The following CTNND2 variants were observed in gnomAD, a reference collection of about 807,000 sequenced individuals.
CTNND2 encodes the protein catenin delta-2.
In CTNND2, 22 loss-of-function variants were observed where a neutral mutation model predicts 144.4. The observed-to-expected ratio is 0.15, with a 90% CI of 0.11 to 0.22. The LOEUF is 0.22. CTNND2 is among the 10% of genes least tolerant of loss of function. CTNND2 has a pLI of 1.00. For synonymous variants in CTNND2, 751 were observed against 695.6 expected (o/e 1.08, Z -1.25); for missense variants, 1,353 against 1,618.8 (o/e 0.84, Z 2.82).
At chr5:11,385,911 T>C (rs942165089) in intron 6 of CTNND2, 32 of 152,220 alleles carry the variant, frequency 2.1e-4, no homozygotes, top group Non-Finnish European at 4.3e-4. Context: ...ATGAGAATGC[T>C]AAAAAAGCCT....
Position 11,502,027 on chromosome 5 carries a change from CAAAAAAAAAAAAAAA to C in CTNND2, c.287+62902_287+62916del, listed in dbSNP as rs547364682. 4.9e-4 allele frequency among the ~76,000 whole-genome samples: 28 copies of C among 57,264 alleles called. No individual in the cohort carries two copies. In the South Asian group the frequency reaches 8.3e-3, roughly 17 times the overall value. The allele number at this position is 57,264 out of a possible 152,430, so 37.6% of individuals were successfully genotyped here. On this transcript the variant is annotated intron_variant, in intron 3 of 21. Coordinates refer to ENST00000304623, the MANE Select transcript of CTNND2 (RefSeq NM_001332.4). ...TGGGTGACAGAGCGAGACTCCATCT[CAAAAAAAAAAAAAAA>C]AAAAAAAAAAAGAAGGGGCAGGCGT...
intron 9 of CTNND2, among the ~76,000 whole-genome samples, chr5:11,274,196 T>C (rs1194810773): frequency 6.6e-6 from 1 of 152,212 alleles, no homozygotes; most frequent in African/African-American, 2.4e-5. Context: ...TCCCTGACAG[T>C]TGTACTCATC....
chr5:11,188,290 T>A (rs771858162), intron 11 of CTNND2, among the ~76,000 whole-genome samples: 19 of 152,236 alleles, frequency 1.2e-4, no homozygotes, highest in Admixed American at 5.9e-4. Flanking sequence ...AGGAGTGAGA[T>A]CATTTCTTTG....
At chr5:11,172,984 C>T (rs770929327) in intron 11 of CTNND2, among the ~76,000 whole-genome samples, 32 of 152,124 alleles carry the variant, frequency 2.1e-4, no homozygotes, top group Admixed American at 5.2e-4. Flanking sequence ...AATCACTGTG[C>T]TTTTGTTTTT....
chr5:11,617,534 A>G (rs1474710285), intron 2 of CTNND2, among the ~76,000 whole-genome samples: 2 of 152,240 alleles, frequency 1.3e-5, no homozygotes, highest in Non-Finnish European at 2.9e-5. Context: ...TGGTTACTTA[A>G]CAAACATTTA....
intron 1 of CTNND2, among the ~76,000 whole-genome samples, chr5:11,845,726 C>T (rs574770406): frequency 6.2e-4 from 94 of 152,282 alleles, no homozygotes; most frequent in Middle Eastern, 3.4e-3. Flanking sequence ...CTAATACAAT[C>T]GTCAAGACGA....
At chr5:11,528,704 G>C (rs143378992) in intron 3 of CTNND2, among the ~76,000 whole-genome samples, 1 of 152,180 alleles carries the variant, frequency 6.6e-6, no homozygotes, top group Non-Finnish European at 1.5e-5. Context: ...GGAGTTGGCC[G>C]TGCTGGCCTT....
chr5:11,357,370 C>T (rs1230501783), intron 8 of CTNND2, among the ~76,000 whole-genome samples: 1 of 151,994 alleles, frequency 6.6e-6, no homozygotes, highest in South Asian at 2.1e-4. Context: ...TGAAATCCTG[C>T]CATTTGTGAT....
At chr5:11,201,132 T>C (rs1737399210) in intron 10 of CTNND2, among the ~76,000 whole-genome samples, 1 of 152,214 alleles carries the variant, frequency 6.6e-6, no homozygotes, top group Non-Finnish European at 1.5e-5. Context: ...ATTTGTCATG[T>C]TCTAACTTAT....
At chr5:11,526,172 G>A (rs952571927) in intron 3 of CTNND2, among the ~76,000 whole-genome samples, 1 of 152,120 alleles carries the variant, frequency 6.6e-6, no homozygotes, top group Non-Finnish European at 1.5e-5. Flanking sequence ...AAAGTGCTGG[G>A]ATTACAGACA....
chr5:11,059,413 A>C lies in CTNND2; in HGVS notation c.2788+23283T>G, dbSNP rs897038808. 7.2e-5 allele frequency among the ~76,000 whole-genome samples: 11 copies of C among 152,210 alleles called. 1 individual carries two copies. Among genetic ancestry groups the C allele is most frequent in the South Asian group, 6.2e-4 (3 of 4,826 alleles). ...TCTCTCTCTTTGCCTGCTGCCATCCACATAAGATATGACTTGCTCCTCCTT... is the reference window on the plus strand; with the variant it reads ...TCTCTCTCTTTGCCTGCTGCCATCCCCATAAGATATGACTTGCTCCTCCTT... On this transcript the variant is annotated intron_variant, in intron 16 of 21. Transcript: ENST00000304623.
intron 16 of CTNND2, among the ~76,000 whole-genome samples, chr5:11,073,378 T>G (rs898373781): frequency 5.9e-5 from 9 of 152,232 alleles, no homozygotes; most frequent in African/African-American, 1.9e-4. Flanking sequence ...AGACATAAAA[T>G]GAACACCTAA....
intron 3 of CTNND2, among the ~76,000 whole-genome samples, chr5:11,477,900 A>C (rs1767909087): frequency 6.6e-6 from 1 of 152,220 alleles, no homozygotes; most frequent in Non-Finnish European, 1.5e-5. Flanking sequence ...TGTACTGCGT[A>C]TCTGATTTTT....
intron 9 of CTNND2, among the ~76,000 whole-genome samples, chr5:11,263,738 C>G (rs973687758): frequency 6.6e-6 from 1 of 152,140 alleles, no homozygotes. Context: ...TACACCCACC[C>G]TAAACTCTTT....
chr5:11,320,050 G>A lies in CTNND2; in HGVS notation c.1628+26322C>T, dbSNP rs137914829. On this transcript the variant is annotated intron_variant, in intron 9 of 21. Transcript: ENST00000304623. ...CACTAATCACATTTGAAATGGAAAC[G>A]ACACCCAGCGGTTCTGACCATTCTG... Among the ~76,000 whole-genome samples, 198 of 152,260 alleles carry A rather than the reference G, an allele frequency of 1.3e-3. 1 individual carries two copies. The highest frequency in any genetic ancestry group is 2.5e-3 in the Admixed American group (38 of 15,292).
chr5:11,075,795 A>G (rs1397872552), intron 16 of CTNND2, among the ~76,000 whole-genome samples: 1 of 152,276 alleles, frequency 6.6e-6, no homozygotes, highest in Admixed American at 6.5e-5. Flanking sequence ...CAGTGGCAGC[A>G]GAATGAGTTT....
chr5:11,142,074 C>T (rs975621876), intron 12 of CTNND2, among the ~76,000 whole-genome samples: 1 of 152,152 alleles, frequency 6.6e-6, no homozygotes, highest in African/African-American at 2.4e-5. Flanking sequence ...ATGCCAGCCC[C>T]CTGACCTTGT....
intron 3 of CTNND2, among the ~76,000 whole-genome samples, chr5:11,532,060 C>A (rs1773791001): frequency 6.6e-6 from 1 of 152,072 alleles, no homozygotes; most frequent in Non-Finnish European, 1.5e-5. Flanking sequence ...ACATTATGCT[C>A]CCCTCCAGGA....
chr5:11,648,691 C>T (rs1477788059), intron 2 of CTNND2, among the ~76,000 whole-genome samples: 2 of 152,042 alleles, frequency 1.3e-5, no homozygotes, highest in African/African-American at 4.8e-5. Flanking sequence ...AACTCTGTAA[C>T]TAGCAAAATC....
Sources: allele counts gnomAD v4.1 joint callset (sites outside exome capture counted in the v4.1 genomes callset), GRCh38; gene constraint gnomAD v4.1.1; transcripts MANE v1.5; gene names NCBI Gene and HGNC (gene_info 2026-07-23, HGNC 2026-07-21).